POFUT3: variants seen among roughly 807,000 people sequenced by gnomAD.
The protein encoded by POFUT3 is GDP-fucose protein O-fucosyltransferase 3.
At chr8:33,461,407 C>T in the POFUT3 span, 116 of 1,612,920 alleles carry the variant, frequency 7.2e-5, no homozygotes, top group South Asian at 1.4e-4. Flanking sequence ...GTGGCTGTGA[C>T]GCACAGGCAA....
At chr8:33,375,935 T>G in the POFUT3 span, among the ~76,000 whole-genome samples, 2 of 151,506 alleles carry the variant, frequency 1.3e-5, no homozygotes, top group Admixed American at 6.6e-5. Context: ...GAGAATCGCT[T>G]GAACCCAGGA....
the POFUT3 span, among the ~76,000 whole-genome samples, chr8:33,440,205 A>G: frequency 2.0e-5 from 3 of 152,104 alleles, no homozygotes; most frequent in Non-Finnish European, 2.9e-5. Context: ...TCTGTGAAAA[A>G]TTAAAAATTA....
the POFUT3 span, among the ~76,000 whole-genome samples, chr8:33,332,427 G>A: frequency 2.0e-5 from 3 of 150,494 alleles, no homozygotes; most frequent in Non-Finnish European, 3.0e-5. Context: ...AAAGGTTGCA[G>A]TGAGTCAAGA....
the POFUT3 span, among the ~76,000 whole-genome samples, chr8:33,322,050 A>G: frequency 1.3e-5 from 2 of 152,208 alleles, no homozygotes; most frequent in Admixed American, 1.3e-4. Flanking sequence ...CTCAACAAAT[A>G]CTTAACGGAA....
the POFUT3 span, among the ~76,000 whole-genome samples, chr8:33,391,969 C>CA: frequency 6.6e-6 from 1 of 152,118 alleles, no homozygotes; most frequent in East Asian, 1.9e-4. Flanking sequence ...CAGAAAGACA[C>CA]AAAGCCTGCC....
the POFUT3 span, among the ~76,000 whole-genome samples, chr8:33,408,311 TAA>T: frequency 0.017 from 2,374 of 138,702 alleles, 69 homozygotes; most frequent in African/African-American, 0.059. Flanking sequence ...CTCTGTCTCT[TAA>T]AAAAAAAAAA....
At chr8:33,410,815 G>A in the POFUT3 span, among the ~76,000 whole-genome samples, 69 of 152,162 alleles carry the variant, frequency 4.5e-4, 2 homozygotes, top group East Asian at 0.013. Flanking sequence ...TGAGTTCCTG[G>A]CCCAGTAAAA....
the POFUT3 span, among the ~76,000 whole-genome samples, chr8:33,443,453 A>G: frequency 2.6e-5 from 4 of 152,150 alleles, no homozygotes; most frequent in African/African-American, 9.7e-5. Flanking sequence ...AAAAATATCT[A>G]AATAACATGC....
the POFUT3 span, among the ~76,000 whole-genome samples, chr8:33,320,687 A>G: frequency 1.3e-5 from 2 of 152,210 alleles, no homozygotes; most frequent in African/African-American, 4.8e-5. Flanking sequence ...CTGACAGTTG[A>G]TGTCAATTAA....
the POFUT3 span, among the ~76,000 whole-genome samples, chr8:33,462,283 T>C: frequency 6.7e-6 from 1 of 149,500 alleles, no homozygotes; most frequent in Non-Finnish European, 1.5e-5. Context: ...CTCTCTGCCA[T>C]CAGAAGACTG....
the POFUT3 span, among the ~76,000 whole-genome samples, chr8:33,380,039 CGA>C: frequency 2.6e-3 from 144 of 56,146 alleles, 9 homozygotes; most frequent in African/African-American, 9.4e-3. Context: ...TATATATATA[CGA>C]TATATATACA....
At chr8:33,353,495 C>T in the POFUT3 span, among the ~76,000 whole-genome samples, 2 of 152,198 alleles carry the variant, frequency 1.3e-5, no homozygotes, top group Non-Finnish European at 2.9e-5. Context: ...CCCCTCCTTG[C>T]TATTGCCAAA....
At chr8:33,431,507 C>G in the POFUT3 span, among the ~76,000 whole-genome samples, 1 of 121,328 alleles carries the variant, frequency 8.2e-6, no homozygotes, top group Non-Finnish European at 1.6e-5. Flanking sequence ...GAGACTGAGC[C>G]CCTGGACTCC....
chr8:33,416,258 T>C, the POFUT3 span, among the ~76,000 whole-genome samples: 2 of 152,362 alleles, frequency 1.3e-5, no homozygotes, highest in Middle Eastern at 6.8e-3. Flanking sequence ...AAAGTGGATA[T>C]CCACGTAGTA....
At chr8:33,360,726 A>AT in the POFUT3 span, 1 of 152,208 alleles carries the variant, frequency 6.6e-6, no homozygotes, top group African/African-American at 2.4e-5. Flanking sequence ...CAGAAAACGT[A>AT]TCCTGCTAAA....
the POFUT3 span, among the ~76,000 whole-genome samples, chr8:33,441,157 C>G: frequency 3.3e-5 from 5 of 151,670 alleles, no homozygotes; most frequent in Non-Finnish European, 5.9e-5. Flanking sequence ...ATGGTGAAAC[C>G]CCATCTCTAC....
At chr8:33,406,110 C>T in the POFUT3 span, among the ~76,000 whole-genome samples, 1 of 151,588 alleles carries the variant, frequency 6.6e-6, no homozygotes, top group African/African-American at 2.4e-5. Context: ...AGTAACACAA[C>T]AAAAAACAGA....
the POFUT3 span, chr8:33,436,775 T>C: frequency 1.9e-6 from 1 of 522,252 alleles, no homozygotes; most frequent in Non-Finnish European, 3.5e-6. Flanking sequence ...AACGCTAAAA[T>C]AGCGGCCAAT....
the POFUT3 span, among the ~76,000 whole-genome samples, chr8:33,353,745 A>G: frequency 6.6e-6 from 1 of 152,134 alleles, no homozygotes; most frequent in African/African-American, 2.4e-5. Context: ...TGGCTCGGTG[A>G]CATGCCCTCA....
Sources: gnomAD v4.1 joint callset for allele counts (sites outside exome capture counted in the v4.1 genomes callset) on GRCh38, gnomAD v4.1.1 for gene constraint, MANE v1.5 for transcripts, NCBI Gene and HGNC (gene_info 2026-07-23, HGNC 2026-07-21) for gene names.